The following SIK3 variants were observed in gnomAD, a reference collection of about 807,000 sequenced individuals.
The protein encoded by SIK3 is SIK family kinase 3.
A neutral mutation model predicts 144.2 loss-of-function variants in SIK3; 28 were observed. The observed-to-expected ratio is 0.19, with a 90% CI of 0.14 to 0.27. The LOEUF is 0.27. Among genes scored for constraint, SIK3 ranks in the 10% least tolerant of loss-of-function variants. The pLI, the probability that SIK3 is intolerant of heterozygous loss-of-function variation, is 1.00. For missense variants in SIK3, 1,319 were observed against 1,776.0 expected (o/e 0.74, Z 4.62); for synonymous variants, 686 against 676.3 (o/e 1.01, Z -0.22).
At chr11:117,096,617 G>A (rs571805444) in intron 1 of SIK3, among the ~76,000 whole-genome samples, 6 of 152,184 alleles carry the variant, frequency 3.9e-5, no homozygotes, top group African/African-American at 1.2e-4. Context: ...CAGACTGGAG[G>A]CCCTGTGATA....
At chr11:116,852,548 A>C (rs1942551163) in intron 21 of SIK3, among the ~76,000 whole-genome samples, 1 of 152,248 alleles carries the variant, frequency 6.6e-6, no homozygotes, top group Admixed American at 6.5e-5. Flanking sequence ...GCTGGGTCTT[A>C]GTTATCTGTA....
intron 3 of SIK3, among the ~76,000 whole-genome samples, chr11:116,938,007 C>A (rs561725961): frequency 6.1e-4 from 93 of 152,116 alleles, no homozygotes; most frequent in Non-Finnish European, 1.2e-4. Context: ...GAGTTCAAGA[C>A]CAGCTTGGCC....
intron 1 of SIK3, among the ~76,000 whole-genome samples, chr11:117,058,156 G>C (rs1045526111): frequency 6.6e-6 from 1 of 152,080 alleles, no homozygotes; most frequent in Non-Finnish European, 1.5e-5. Flanking sequence ...TCTGAAAAAG[G>C]GCCAGTGAAG....
Position 116,955,112 on chromosome 11 carries a change from T to G in SIK3, c.391-1005A>C, listed in dbSNP as rs28593727. On this transcript the variant is annotated intron_variant, in intron 2 of 24. Coordinates refer to ENST00000445177, the MANE Select transcript of SIK3 (RefSeq NM_001366686.3). ...AAACTAAATACAATTAAAAATTCAG[T>G]TCCGGCCAGGCGCAGTGGCTCACGC... is the stretch of plus-strand genomic sequence containing the variant. Among the ~76,000 whole-genome samples, 3 of 152,282 alleles carry G rather than the reference T, an allele frequency of 2.0e-5. No individual in the cohort carries two copies. In the East Asian group the frequency reaches 5.8e-4, roughly 29 times the overall value.
intron 5 of SIK3, 87 bp from the exon 6 acceptor site, chr11:116,896,463 G>A (rs1945405981): frequency 2.8e-6 from 4 of 1,424,840 alleles, no homozygotes; most frequent in Non-Finnish European, 3.8e-6. Context: ...AGATGATGGT[G>A]AGTCATGCAT....
intron 1 of SIK3, among the ~76,000 whole-genome samples, chr11:117,017,529 G>A (rs201049475): frequency 1.9e-5 from 1 of 51,750 alleles, no homozygotes; most frequent in Admixed American, 2.2e-4. Flanking sequence ...TAAAACAAAT[G>A]TTTTTTTAAG....
intron 4 of SIK3, among the ~76,000 whole-genome samples, chr11:116,920,591 G>A (rs78692246): frequency 0.072 from 11,021 of 152,220 alleles, 490 homozygotes; most frequent in Middle Eastern, 0.11. Flanking sequence ...CCCCGTGCCT[G>A]TATCAGTGTC....
At chr11:117,014,402 T>A (rs1951432392) in intron 1 of SIK3, among the ~76,000 whole-genome samples, 3 of 152,134 alleles carry the variant, frequency 2.0e-5, no homozygotes, top group Non-Finnish European at 1.5e-5. Context: ...GAAGATAATA[T>A]TAGAGATTAT....
intron 1 of SIK3, among the ~76,000 whole-genome samples, chr11:117,014,344 T>C (rs1951429256): frequency 6.6e-6 from 1 of 152,162 alleles, no homozygotes; most frequent in Admixed American, 6.5e-5. Flanking sequence ...CTAATAATTT[T>C]AGCCCTTAAG....
At chr11:116,878,611 C>T (rs915359613) in intron 6 of SIK3, among the ~76,000 whole-genome samples, 3 of 152,138 alleles carry the variant, frequency 2.0e-5, no homozygotes, top group Non-Finnish European at 4.4e-5. Flanking sequence ...AACAACTGAC[C>T]TCAAGTGATC....
chr11:117,089,361 C>G (rs557904810), intron 1 of SIK3, among the ~76,000 whole-genome samples: 26 of 150,152 alleles, frequency 1.7e-4, no homozygotes, highest in African/African-American at 5.9e-4. Context: ...GAGCCAAGAT[C>G]GCGCCACTGC....
At chr11:117,090,639 A>G (rs1955203007) in intron 1 of SIK3, among the ~76,000 whole-genome samples, 1 of 152,260 alleles carries the variant, frequency 6.6e-6, no homozygotes, top group Non-Finnish European at 1.5e-5. Context: ...TAATGACATG[A>G]GAAAACTACG....
chr11:117,029,675 CA>C (rs1156397098), intron 1 of SIK3, among the ~76,000 whole-genome samples: 1 of 152,016 alleles, frequency 6.6e-6, no homozygotes, highest in Non-Finnish European at 1.5e-5. Context: ...CAGTGGTACA[CA>C]AAATTCAAGG....
At chr11:116,963,479 T>C (rs998909335) in intron 1 of SIK3, among the ~76,000 whole-genome samples, 2 of 152,208 alleles carry the variant, frequency 1.3e-5, no homozygotes, top group African/African-American at 4.8e-5. Flanking sequence ...ATCAGAGCAA[T>C]TGCAGCATCA....
At chr11:117,013,382 G>A (rs879768981) in intron 1 of SIK3, among the ~76,000 whole-genome samples, 2 of 152,086 alleles carry the variant, frequency 1.3e-5, no homozygotes, top group Non-Finnish European at 2.9e-5. Flanking sequence ...ATCCTAGATA[G>A]GCTGGGACCC....
intron 6 of SIK3, among the ~76,000 whole-genome samples, chr11:116,882,141 C>T (rs896034093): frequency 6.6e-6 from 1 of 151,998 alleles, no homozygotes; most frequent in Non-Finnish European, 1.5e-5. Context: ...TAGGTTAGTA[C>T]AAAATGGGCC....
chr11:117,061,921 A>G (rs1252808702), intron 1 of SIK3, among the ~76,000 whole-genome samples: 4 of 152,238 alleles, frequency 2.6e-5, no homozygotes, highest in Non-Finnish European at 4.4e-5. Flanking sequence ...TAATTAAAAC[A>G]AAGTATAGGC....
intron 1 of SIK3, among the ~76,000 whole-genome samples, chr11:117,068,560 G>A (rs1040119474): frequency 3.3e-5 from 5 of 152,184 alleles, no homozygotes; most frequent in African/African-American, 1.2e-4. Context: ...ACCAGCCTGG[G>A]CAATATAGCG....
In SIK3 at chr11:117,063,206, T is replaced by C. The variant is rs545232891; in HGVS notation, c.273+34937A>G. ...TTAAAGTGATATAAACTACCAGTTA[T>C]TGGAATTAAACACCCTCCCCTTTCT... On this transcript the variant is annotated intron_variant, in intron 1 of 24. Transcript: ENST00000445177. Among the ~76,000 whole-genome samples the C allele has an allele frequency of 4.6e-5, 7 of 152,330 alleles. No individual in the cohort carries two copies. In the South Asian group the frequency reaches 1.0e-3, roughly 23 times the overall value.
Sources: allele counts gnomAD v4.1 joint callset (sites outside exome capture counted in the v4.1 genomes callset), GRCh38; gene constraint gnomAD v4.1.1; transcripts MANE v1.5; gene names NCBI Gene and HGNC (gene_info 2026-07-23, HGNC 2026-07-21).